Variants in HDGFL3 observed in about 807,000 individuals in gnomAD.
HDGFL3 encodes the protein hepatoma-derived growth factor-related protein 3.
Under a neutral mutation model 27.6 loss-of-function variants are expected in HDGFL3, and 6 were observed. That is an observed-to-expected ratio of 0.22 (90% CI 0.12 to 0.43). The LOEUF is 0.43. HDGFL3 is among the 20% of genes least tolerant of loss of function. HDGFL3 has a pLI of 1.00. For missense variants in HDGFL3, 207 were observed against 250.1 expected, an observed-to-expected ratio of 0.83 and a Z score of 1.16; for synonymous variants, 88 against 88.9, an observed-to-expected ratio of 0.99 and a Z score of 0.05.
chr15:83,145,440 C>T (rs1388733192), intron 5 of HDGFL3, among the ~76,000 whole-genome samples: 1 of 152,160 alleles, frequency 6.6e-6, no homozygotes, highest in Admixed American at 6.5e-5. Context: ...AAGGGCAGTG[C>T]TGCCTCTTTC....
chr15:83,116,046 T>C (rs1158431080), intron 3 of HDGFL3: 1 of 865,446 alleles, frequency 1.2e-6, no homozygotes, highest in Non-Finnish European at 1.9e-6. Flanking sequence ...ACAGGTACGC[T>C]ACGCAGGCTT....
chr15:83,156,288 A>G lies in HDGFL3; in HGVS notation c.459+1127T>C, dbSNP rs78881618. ...GTTTTCAGAAAGCCCTGGCCACCCT[A>G]TCTAAAATAGGGGACCTATTTTAGG... On this transcript the variant is annotated intron_variant, in intron 4 of 5. Coordinates refer to ENST00000299633, the MANE Select transcript of HDGFL3 (RefSeq NM_016073.4). 3.3e-3 allele frequency among the ~76,000 whole-genome samples: 500 copies of G among 152,088 alleles called. 1 individual carries two copies. Among genetic ancestry groups the G allele is most frequent in the Non-Finnish European group, 4.9e-3 (330 of 67,990 alleles).
intron 1 of HDGFL3, among the ~76,000 whole-genome samples, chr15:83,191,722 G>C (rs1208403554): frequency 6.6e-6 from 1 of 151,884 alleles, no homozygotes; most frequent in Non-Finnish European, 1.5e-5. Context: ...TCATTTATTT[G>C]GCTAACTTAT....
At chr15:83,118,069 T>C (rs769718485) in intron 3 of HDGFL3, among the ~76,000 whole-genome samples, 10 of 152,130 alleles carry the variant, frequency 6.6e-5, no homozygotes, top group Admixed American at 1.3e-4. Flanking sequence ...ACCATTAATA[T>C]AGAGAGGCCA....
chr15:83,181,036 G>T (rs966593707), intron 1 of HDGFL3: 1 of 152,086 alleles, frequency 6.6e-6, no homozygotes, highest in Non-Finnish European at 1.5e-5. Context: ...GAAATATCAG[G>T]CTGAGTTATC....
chr15:83,161,540 CTTTATT>C (rs1427187162), intron 2 of HDGFL3, among the ~76,000 whole-genome samples: 2 of 152,132 alleles, frequency 1.3e-5, no homozygotes, highest in Non-Finnish European at 2.9e-5. Context: ...TTTTTGCCCT[CTTTATT>C]TTTATCTTGT....
At chr15:83,151,427 G>T in intron 4 of HDGFL3, 66 bp from the exon 5 acceptor site, 2 of 1,349,780 alleles carry the variant, frequency 1.5e-6, no homozygotes, top group Non-Finnish European at 2.1e-6. Flanking sequence ...AGTAAGAGAT[G>T]CAGAAATAGC....
At chr15:83,175,048 C>T (rs906066019) in intron 1 of HDGFL3, among the ~76,000 whole-genome samples, 1 of 152,230 alleles carries the variant, frequency 6.6e-6, no homozygotes, top group African/African-American at 2.4e-5. Context: ...TCTAGCAACA[C>T]TAAGCTTGCA....
chr15:83,120,134 G>C (rs1264884620), intron 3 of HDGFL3: 1 of 171,746 alleles, frequency 5.8e-6, no homozygotes, highest in Non-Finnish European at 1.3e-5. Context: ...CTCTGCGGCT[G>C]GCCCCTTGGC....
At chr15:83,162,399 A>G (rs1480030624) in intron 2 of HDGFL3, among the ~76,000 whole-genome samples, 1 of 152,202 alleles carries the variant, frequency 6.6e-6, no homozygotes, top group Non-Finnish European at 1.5e-5. Flanking sequence ...AAAATCACAT[A>G]TAGACTACTG....
chr15:83,113,070 T>C, exon 4 of HDGFL3: 1 of 628,984 alleles, frequency 1.6e-6, no homozygotes, highest in Non-Finnish European at 2.8e-6. Context: ...CTATTGCCTC[T>C]CAGGCAGTGG....
At chr15:83,189,016 C>A (rs2037479049) in intron 1 of HDGFL3, among the ~76,000 whole-genome samples, 1 of 152,152 alleles carries the variant, frequency 6.6e-6, no homozygotes, top group Admixed American at 6.5e-5. Context: ...ATTCCTCCCC[C>A]TCACAGACAT....
chr15:83,151,584 G>A (rs1162107188), intron 4 of HDGFL3, among the ~76,000 whole-genome samples: 2 of 152,174 alleles, frequency 1.3e-5, no homozygotes, highest in South Asian at 2.1e-4. Flanking sequence ...GCAGAAGTGG[G>A]CTAGGTGACC....
chr15:83,123,460 C>T (rs2035455554), downstream of HDGFL3, among the ~76,000 whole-genome samples: 1 of 152,138 alleles, frequency 6.6e-6, no homozygotes, highest in Non-Finnish European at 1.5e-5. Flanking sequence ...GCTAGTTTCT[C>T]TCTGTTTCTT....
intron 1 of HDGFL3, among the ~76,000 whole-genome samples, chr15:83,195,302 T>C (rs1444276977): frequency 6.6e-6 from 1 of 152,190 alleles, no homozygotes; most frequent in Non-Finnish European, 1.5e-5. Flanking sequence ...TTAGTTTCTG[T>C]TATGTGGAAA....
chr15:83,119,761 G>C, intron 3 of HDGFL3: 1 of 1,593,942 alleles, frequency 6.3e-7, no homozygotes, highest in East Asian at 2.2e-5. Context: ...TATGCATAGA[G>C]GCAAATACAC....
At chr15:83,177,000 C>T (rs535530141) in intron 1 of HDGFL3, among the ~76,000 whole-genome samples, 49 of 85,042 alleles carry the variant, frequency 5.8e-4, no homozygotes, top group African/African-American at 3.9e-3. Context: ...TCACTGCAAC[C>T]TCCGGCTCCT....
At chr15:83,148,100 T>A (rs901768239) in intron 5 of HDGFL3, among the ~76,000 whole-genome samples, 2 of 152,232 alleles carry the variant, frequency 1.3e-5, no homozygotes, top group African/African-American at 4.8e-5. Context: ...ATATTGGCAA[T>A]AATTAAAAAG....
rs757408032 is a variant in HDGFL3, at chr15:83,149,176, T to C, written c.606+2039A>G. 2.8e-4 allele frequency among the ~76,000 whole-genome samples: 43 copies of C among 152,150 alleles called. 1 individual carries two copies. The highest frequency in any genetic ancestry group is 4.6e-4 in the Non-Finnish European group (31 of 68,034). On this transcript the variant is annotated intron_variant, in intron 5 of 5. Coordinates refer to ENST00000299633, the MANE Select transcript of HDGFL3 (RefSeq NM_016073.4). ...TTCCCCAACTAAAAAGCAAAAGCAA[T>C]ACCTGCACCTACCTCCTGAAGTTTG...
Sources: allele counts gnomAD v4.1 joint callset (sites outside exome capture counted in the v4.1 genomes callset), GRCh38; gene constraint gnomAD v4.1.1; transcripts MANE v1.5; gene names NCBI Gene and HGNC (gene_info 2026-07-23, HGNC 2026-07-21).